Variants in AKT3 observed in about 807,000 individuals in gnomAD.
AKT3 encodes the protein RAC-gamma serine/threonine-protein kinase.
Under a neutral mutation model 65.3 loss-of-function variants are expected in AKT3, and 15 were observed. The observed-to-expected ratio is 0.23, with a 90% confidence interval of 0.15 to 0.35. AKT3 has a LOEUF of 0.35. Ranked by LOEUF, AKT3 falls within the 10% of genes least tolerant of loss-of-function variation. AKT3 has a pLI of 1.00. For missense variants in AKT3, 243 were observed against 576.5 expected, an observed-to-expected ratio of 0.42 and a Z score of 5.92; for synonymous variants, 206 against 183.8, an observed-to-expected ratio of 1.12 and a Z score of -0.98.
chr1:243,841,392 A>C (rs1695231667), intron 2 of AKT3, among the ~76,000 whole-genome samples: 1 of 152,190 alleles, frequency 6.6e-6, no homozygotes, highest in Non-Finnish European at 1.5e-5. Flanking sequence ...TTTAGAGATT[A>C]GTAAAGTAAA....
intron 2 of AKT3, among the ~76,000 whole-genome samples, chr1:243,743,963 G>T (rs1313393639): frequency 6.6e-6 from 1 of 152,196 alleles, no homozygotes; most frequent in Non-Finnish European, 1.5e-5. Flanking sequence ...TACAAAAGTT[G>T]AACATATGCA....
Position 243,503,694 on chromosome 1 carries a change from AAG to A in AKT3, c.*1553_*1554del, listed in dbSNP as rs1488372110. 2.2e-5 allele frequency: 5 copies of A among 232,130 alleles called. No homozygotes were observed. Among genetic ancestry groups the A allele is most frequent in the Middle Eastern group, 1.2e-3 (1 of 802 alleles). The allele number at this position is 232,130 out of a possible 1,614,324, so 14.4% of individuals were successfully genotyped here. Reference sequence around the variant, plus strand: ...TGGGGGACATGAGTATATACAGAAAAAGAAAAGCTGGAGGTGTTCTCTTTTTT... The same window carrying A: ...TGGGGGACATGAGTATATACAGAAAAAAAAGCTGGAGGTGTTCTCTTTTTT... On this transcript the variant is annotated 3_prime_UTR_variant, in exon 14 of 14. Coordinates refer to ENST00000673466, the MANE Select transcript of AKT3 (RefSeq NM_005465.7).
chr1:243,780,994 C>T (rs1165404381), intron 2 of AKT3, among the ~76,000 whole-genome samples: 1 of 151,934 alleles, frequency 6.6e-6, no homozygotes, highest in Non-Finnish European at 1.5e-5. Flanking sequence ...GTTTTAATTG[C>T]AAAGTAGGGC....
At chr1:243,626,972 T>C (rs952011779) in intron 6 of AKT3, among the ~76,000 whole-genome samples, 1 of 152,178 alleles carries the variant, frequency 6.6e-6, no homozygotes, top group Non-Finnish European at 1.5e-5. Context: ...ACATAGGTTG[T>C]TAATTTGAAA....
At position 243,667,021 on chromosome 1, in the gene AKT3, C is replaced by T. The variant is rs371732560; in HGVS notation, c.173-2138G>A. Among the ~76,000 whole-genome samples, 79 of 152,234 alleles carry T rather than the reference C, an allele frequency of 5.2e-4. No homozygotes were observed. The East Asian group carries it at 0.011, about 21-fold the overall frequency. On this transcript the variant is annotated intron_variant, in intron 3 of 13. Coordinates refer to ENST00000673466, the MANE Select transcript of AKT3 (RefSeq NM_005465.7). ...GATTTGCTGCTGCTGCCCAGCATCA[C>T]TAGGGAGTATCACACAGCAAATCAC...
At chr1:243,809,220 A>AAAAG (rs1446985736) in intron 2 of AKT3, among the ~76,000 whole-genome samples, 1 of 152,244 alleles carries the variant, frequency 6.6e-6, no homozygotes, top group African/African-American at 2.4e-5. Flanking sequence ...TGCTCCAATT[A>AAAAG]AAAGACACAG....
At chr1:243,693,029 G>C (rs1684801269) in intron 3 of AKT3, among the ~76,000 whole-genome samples, 1 of 151,054 alleles carries the variant, frequency 6.6e-6, no homozygotes, top group African/African-American at 2.4e-5. Context: ...CTATCTTTTT[G>C]AAAAATTTAA....
At chr1:243,644,493 G>T (rs1680661224) in intron 5 of AKT3, among the ~76,000 whole-genome samples, 1 of 151,244 alleles carries the variant, frequency 6.6e-6, no homozygotes, top group Non-Finnish European at 1.5e-5. Context: ...TATAAAACAG[G>T]AATAATAATG....
In AKT3 at chr1:243,563,765, G is replaced by C; in HGVS notation, c.903C>G (p.Ala301=). ...GLCKEGITDA[A]TMKTFCGTPE... is the part of the protein sequence containing the mutation. Reference sequence around the variant, plus strand: ...GAGTGCCACAGAATGTCTTCATGGTGGCTGCATCTGTGATCCCTTCTTTGC... The same window carrying C: ...GAGTGCCACAGAATGTCTTCATGGTCGCTGCATCTGTGATCCCTTCTTTGC... Residue 301 remains alanine, a synonymous_variant, in exon 10 of 14, where the codon GCC becomes GCG. Transcript: ENST00000673466. The C allele has an allele frequency of 6.2e-7, 1 of 1,612,978 alleles. No individual in the cohort carries two copies. Among genetic ancestry groups the C allele is most frequent in the Non-Finnish European group, 8.5e-7 (1 of 1,179,586 alleles).
At chr1:243,628,010 G>C (rs12739344) in intron 6 of AKT3, among the ~76,000 whole-genome samples, 79,057 of 152,094 alleles carry the variant, frequency 0.52, 23,781 homozygotes, top group Non-Finnish European at 0.67. Context: ...TCAGACTGGA[G>C]CTTATGGCAA....
At chr1:243,559,948 T>G (rs926648146) in intron 10 of AKT3, among the ~76,000 whole-genome samples, 1 of 152,142 alleles carries the variant, frequency 6.6e-6, no homozygotes, top group Non-Finnish European at 1.5e-5. Context: ...GAGGCTGGCT[T>G]CAGCTCCTGC....
chr1:243,763,915 C>T (rs1689650806), intron 2 of AKT3, among the ~76,000 whole-genome samples: 1 of 151,982 alleles, frequency 6.6e-6, no homozygotes. Context: ...AATGGACAGT[C>T]TTCACTTTTT....
At chr1:243,685,151 G>A (rs1234643013) in intron 3 of AKT3, among the ~76,000 whole-genome samples, 1 of 152,078 alleles carries the variant, frequency 6.6e-6, no homozygotes, top group Non-Finnish European at 1.5e-5. Flanking sequence ...AATCTCTTTA[G>A]TTTAATTAAA....
rs540341821 is a variant in AKT3 at position 243,753,263 on chromosome 1, T to TA, written c.47-57548dup. Reference sequence around the variant, plus strand: ...ATAATCTATGGGGTCTTAAGCAGTGTAAAAAATTAAAGTAAAAGCAACATT... The same window carrying TA: ...ATAATCTATGGGGTCTTAAGCAGTGTAAAAAAATTAAAGTAAAAGCAACATT... On this transcript the variant is annotated intron_variant, in intron 2 of 13. Coordinates refer to ENST00000673466, the MANE Select transcript of AKT3 (RefSeq NM_005465.7). 1.8e-4 allele frequency among the ~76,000 whole-genome samples: 27 copies of TA among 152,252 alleles called. No homozygotes were observed. In the East Asian group the frequency reaches 4.4e-3, roughly 25 times the overall value.
intron 2 of AKT3, among the ~76,000 whole-genome samples, chr1:243,699,491 AT>A (rs1685291862): frequency 8.5e-5 from 10 of 117,084 alleles, no homozygotes; most frequent in African/African-American, 3.1e-4. Context: ...ATATATATAT[AT>A]ATATATATAT....
At chr1:243,604,717 C>T (rs749871797) in intron 8 of AKT3, among the ~76,000 whole-genome samples, 1 of 152,130 alleles carries the variant, frequency 6.6e-6, no homozygotes, top group African/African-American at 2.4e-5. Flanking sequence ...TCAGAGCAAC[C>T]ATGTCACTGC....
chr1:243,717,476 T>C (rs1364821687), intron 2 of AKT3, among the ~76,000 whole-genome samples: 1 of 152,214 alleles, frequency 6.6e-6, no homozygotes, highest in Admixed American at 6.5e-5. Flanking sequence ...ATACAAATGG[T>C]AACTAGTTCC....
chr1:243,773,129 A>C (rs184006411), intron 2 of AKT3, among the ~76,000 whole-genome samples: 1 of 151,396 alleles, frequency 6.6e-6, no homozygotes, highest in African/African-American at 2.4e-5. Context: ...TGGCACATGT[A>C]TACATATGTA....
At chr1:243,651,570 C>T (rs888950524) in intron 4 of AKT3, among the ~76,000 whole-genome samples, 5 of 152,060 alleles carry the variant, frequency 3.3e-5, no homozygotes, top group African/African-American at 7.2e-5. Context: ...TACATTCCAT[C>T]GATACTTAGT....
Sources: allele counts gnomAD v4.1 joint callset (sites outside exome capture counted in the v4.1 genomes callset), GRCh38; gene constraint gnomAD v4.1.1; transcripts MANE v1.5; gene names NCBI Gene and HGNC (gene_info 2026-07-23, HGNC 2026-07-21).